Variants in ROR1 observed in about 807,000 individuals in gnomAD.
The protein encoded by ROR1 is inactive tyrosine-protein kinase transmembrane receptor ROR1.
A neutral mutation model predicts 78.8 loss-of-function variants in ROR1; 19 were observed. The ratio of observed to expected loss-of-function variants is 0.24; its 90% confidence interval spans 0.17 to 0.35. The LOEUF (loss-of-function observed/expected upper bound fraction) is 0.35, where lower values mean the gene tolerates loss of function less well. ROR1 is among the 10% of genes least tolerant of loss of function. ROR1 has a pLI of 1.00. For missense variants in ROR1, 917 were observed against 1,177.8 expected, an observed-to-expected ratio of 0.78 and a Z score of 3.24; for synonymous variants, 386 against 433.6, an observed-to-expected ratio of 0.89 and a Z score of 1.36.
chr1:64,153,074 T>G (rs1335047628), intron 7 of ROR1, among the ~76,000 whole-genome samples: 1 of 152,188 alleles, frequency 6.6e-6, no homozygotes, highest in Non-Finnish European at 1.5e-5. Context: ...TATAGAATTT[T>G]GTCAGTTAAA....
At chr1:63,886,532 C>A (rs2100382267) in intron 1 of ROR1, among the ~76,000 whole-genome samples, 1 of 152,214 alleles carries the variant, frequency 6.6e-6, no homozygotes, top group East Asian at 1.9e-4. Flanking sequence ...AGGATTTGGC[C>A]AGAAGGAGTC....
intron 1 of ROR1, among the ~76,000 whole-genome samples, chr1:63,949,608 C>T (rs2100467956): frequency 6.6e-6 from 1 of 152,250 alleles, no homozygotes; most frequent in Non-Finnish European, 1.5e-5. Flanking sequence ...TTCACTCCTC[C>T]AGGAGCTGGC....
In ROR1 at chr1:63,812,981, T is replaced by C. The variant is rs190411738; in HGVS notation, c.91+38473T>C. Among the ~76,000 whole-genome samples the C allele has an allele frequency of 7.4e-3, 1,133 of 152,206 alleles. 8 individuals carry two copies. Among genetic ancestry groups the C allele is most frequent in the Admixed American group, 0.012 (178 of 15,292 alleles). On this transcript the variant is annotated intron_variant, in intron 1 of 8. Coordinates refer to ENST00000371079, the MANE Select transcript of ROR1 (RefSeq NM_005012.4). ...ATCATGCCCCATTGCTTCTGAGTGCTGTTAGGTGCTTCCCACCACTTTTTT... is the reference window on the plus strand; with the variant it reads ...ATCATGCCCCATTGCTTCTGAGTGCCGTTAGGTGCTTCCCACCACTTTTTT...
chr1:63,777,044 CAGG>C (rs1160244108), intron 1 of ROR1, among the ~76,000 whole-genome samples: 2 of 152,122 alleles, frequency 1.3e-5, no homozygotes, highest in Non-Finnish European at 2.9e-5. Context: ...TTTTGTTAGC[CAGG>C]AGAAGAAAAC....
chr1:63,780,336 G>A (rs777979619), intron 1 of ROR1, among the ~76,000 whole-genome samples: 3 of 152,098 alleles, frequency 2.0e-5, no homozygotes, highest in African/African-American at 4.8e-5. Context: ...TAGGGAATGG[G>A]GGTTTGAATT....
intron 1 of ROR1, among the ~76,000 whole-genome samples, chr1:63,967,174 G>GTGA (rs897953808): frequency 6.6e-6 from 1 of 152,136 alleles, no homozygotes; most frequent in African/African-American, 2.4e-5. Flanking sequence ...AGCAATTGTG[G>GTGA]TGGTTGTTAT....
intron 1 of ROR1, among the ~76,000 whole-genome samples, chr1:63,988,036 G>A (rs1646265837): frequency 6.6e-6 from 1 of 152,148 alleles, no homozygotes; most frequent in Admixed American, 6.6e-5. Flanking sequence ...TTCTTGAACT[G>A]CAAGACCTAG....
At chr1:64,106,528 C>G (rs1407235377) in intron 4 of ROR1, 5 of 152,102 alleles carry the variant, frequency 3.3e-5, no homozygotes, top group Admixed American at 3.3e-4. Flanking sequence ...GGCATCCTTA[C>G]CTTGTACTAG....
At chr1:64,119,818 G>T (rs1053916882) in intron 4 of ROR1, among the ~76,000 whole-genome samples, 11 of 152,166 alleles carry the variant, frequency 7.2e-5, no homozygotes, top group Non-Finnish European at 1.3e-4. Context: ...AAATGGCTAA[G>T]TAATTATTTA....
chr1:64,115,499 G>T (rs934343709), intron 4 of ROR1, among the ~76,000 whole-genome samples: 1 of 151,840 alleles, frequency 6.6e-6, no homozygotes, highest in East Asian at 1.9e-4. Context: ...CTCCCAAAGT[G>T]CATTTCTTAA....
chr1:63,910,247 C>G (rs577598688), intron 1 of ROR1, among the ~76,000 whole-genome samples: 19 of 152,268 alleles, frequency 1.2e-4, no homozygotes, highest in Non-Finnish European at 2.4e-4. Flanking sequence ...GTGAGTTGCA[C>G]AAGATGCCCA....
In ROR1 at chr1:63,881,631, A is replaced by T. The variant is rs559329381; in HGVS notation, c.91+107123A>T. 2.6e-5 allele frequency among the ~76,000 whole-genome samples: 4 copies of T among 152,312 alleles called. No homozygotes were observed. The East Asian group carries it at 7.7e-4, about 29-fold the overall frequency. On this transcript the variant is annotated intron_variant, in intron 1 of 8. Transcript: ENST00000371079. ...ATTTTGTATATAGAGATCTTATATG[A>T]GCATGGGAAAATTTATTTTTTAAAT...
At chr1:64,020,723 TC>T (rs1646558103) in intron 2 of ROR1, among the ~76,000 whole-genome samples, 2 of 152,012 alleles carry the variant, frequency 1.3e-5, no homozygotes, top group African/African-American at 2.4e-5. Context: ...CAGAAGTTGG[TC>T]CACAAACAGA....
At chr1:64,115,336 C>T (rs899117314) in intron 4 of ROR1, among the ~76,000 whole-genome samples, 23 of 152,150 alleles carry the variant, frequency 1.5e-4, no homozygotes, top group African/African-American at 5.3e-4. Context: ...TTGCCTCAGC[C>T]TCCCGAAGAG....
In ROR1 at chr1:63,774,492, C is replaced by T; in HGVS notation, c.75C>T (p.Arg25=). 1 of 1,144,128 alleles carries T rather than the reference C, an allele frequency of 8.7e-7. No homozygotes were observed. Among genetic ancestry groups the T allele is most frequent in the Non-Finnish European group, 1.1e-6 (1 of 936,166 alleles). The allele number at this position is 1,144,128 out of a possible 1,614,324, so 70.9% of individuals were successfully genotyped here. A position where few individuals can be genotyped will look rare whatever the true frequency, so the allele number is the denominator to read the frequency against. The change falls in exon 1 of 9, where the codon CGC becomes CGT. Residue 25 remains arginine, a synonymous_variant. Transcript: ENST00000371079. This position sits in a 1 kb window ranked among gnomAD's most constrained non-coding sequence, Gnocchi z 5.7. ...TGGCCGCGCTGCTGCTGGCCGCACG[C>T]GGGGCTGCTGCCCAAGGTAAGAGGC... ...ALLAALLLAA[R]GAAAQETELS...
chr1:63,986,655 G>A (rs972942183), intron 1 of ROR1, among the ~76,000 whole-genome samples: 3 of 152,308 alleles, frequency 2.0e-5, no homozygotes, highest in Middle Eastern at 3.4e-3. Flanking sequence ...CACTTTGGGA[G>A]GTGGAGGTGA....
At chr1:64,049,387 G>C (rs1383189042) in intron 2 of ROR1, among the ~76,000 whole-genome samples, 1 of 152,112 alleles carries the variant, frequency 6.6e-6, no homozygotes, top group East Asian at 1.9e-4. Flanking sequence ...CTGGAATTTG[G>C]AACAAGGAGT....
At chr1:63,973,695 C>G (rs935047046) in intron 1 of ROR1, among the ~76,000 whole-genome samples, 1 of 152,090 alleles carries the variant, frequency 6.6e-6, no homozygotes, top group Non-Finnish European at 1.5e-5. Flanking sequence ...AAAAAAAACC[C>G]AATCCCTGAA....
intron 4 of ROR1, among the ~76,000 whole-genome samples, chr1:64,058,329 T>G (rs1646890715): frequency 1.3e-5 from 2 of 152,118 alleles, no homozygotes; most frequent in African/African-American, 2.4e-5. Context: ...TTATTTTTCT[T>G]GCTTTATTGC....
Sources: gnomAD v4.1 joint callset for allele counts (sites outside exome capture counted in the v4.1 genomes callset) on GRCh38, gnomAD v4.1.1 for gene constraint, Gnocchi (gnomAD v3.1) non-coding constraint, MANE v1.5 for transcripts, NCBI Gene and HGNC (gene_info 2026-07-23, HGNC 2026-07-21) for gene names.